STAU2: variants seen among roughly 807,000 people sequenced by gnomAD.
STAU2 encodes double-stranded RNA-binding protein Staufen homolog 2.
Under a neutral mutation model 65.9 loss-of-function variants are expected in STAU2, and 20 were observed. That is an observed-to-expected ratio of 0.30 (90% CI 0.21 to 0.44). STAU2 has a LOEUF of 0.44. Among genes scored for constraint, STAU2 ranks in the 20% least tolerant of loss-of-function variants. The pLI, the probability that STAU2 is intolerant of heterozygous loss-of-function variation, is 1.00. For synonymous variants in STAU2, 232 were observed against 233.9 expected (o/e 0.99, Z 0.07); for missense variants, 558 against 683.9 (o/e 0.82, Z 2.05).
rs1311174411 is a variant in STAU2, at chr8:73,565,285, T to C, written c.1223-12966A>G. Among the ~76,000 whole-genome samples, 3 of 150,562 alleles carry C rather than the reference T, an allele frequency of 2.0e-5. No homozygotes were observed. In the East Asian group the frequency reaches 5.8e-4, roughly 29 times the overall value. On this transcript the variant is annotated intron_variant, in intron 12 of 14. Coordinates refer to ENST00000524300, the MANE Select transcript of STAU2 (RefSeq NM_001164380.2). ...CAAGATTTGCCTGTTTGAAAGTGTG[T>C]AGCACCTCCCCTGCTTGCTCTCTCT...
At chr8:73,560,075 ATTT>A (rs35696339) in intron 12 of STAU2, among the ~76,000 whole-genome samples, 12 of 83,486 alleles carry the variant, frequency 1.4e-4, no homozygotes, top group Middle Eastern at 6.3e-3. Flanking sequence ...TACTGAACAG[ATTT>A]TTTTTTTTTT....
chr8:73,539,848 C>CAAAA (rs539856610), intron 13 of STAU2, among the ~76,000 whole-genome samples: 15 of 87,072 alleles, frequency 1.7e-4, no homozygotes, highest in South Asian at 7.3e-4. Flanking sequence ...CATCCCCATC[C>CAAAA]AAAAAAAAAA....
At chr8:73,612,934 G>A (rs1194229973) in intron 9 of STAU2, among the ~76,000 whole-genome samples, 1 of 152,106 alleles carries the variant, frequency 6.6e-6, no homozygotes, top group Non-Finnish European at 1.5e-5. Flanking sequence ...GCATTCACAG[G>A]CACTGTCCTG....
intron 6 of STAU2, among the ~76,000 whole-genome samples, chr8:73,659,252 T>C (rs1204158602): frequency 6.6e-6 from 1 of 152,082 alleles, no homozygotes; most frequent in Non-Finnish European, 1.5e-5. Flanking sequence ...AAAAAGAGCT[T>C]CATGGCCTAG....
intron 6 of STAU2, among the ~76,000 whole-genome samples, chr8:73,633,784 C>T (rs112579715): frequency 0.015 from 2,284 of 152,174 alleles, 52 homozygotes; most frequent in African/African-American, 0.05. Context: ...AGTTCAAGAC[C>T]AGTCTGGACA....
chr8:73,676,067 T>C (rs1239990555), intron 5 of STAU2, among the ~76,000 whole-genome samples: 1 of 152,104 alleles, frequency 6.6e-6, no homozygotes, highest in African/African-American at 2.4e-5. Flanking sequence ...ATTACTTCCA[T>C]AGTTTAAAAA....
intron 4 of STAU2, among the ~76,000 whole-genome samples, chr8:73,708,407 A>G (rs778844882): frequency 1.8e-4 from 28 of 152,214 alleles, no homozygotes; most frequent in Non-Finnish European, 3.5e-4. Flanking sequence ...GAGCTCAAAC[A>G]TAAATGCATT....
chr8:73,457,544 C>T (rs866369701), intron 13 of STAU2, among the ~76,000 whole-genome samples: 1 of 152,150 alleles, frequency 6.6e-6, no homozygotes, highest in Non-Finnish European at 1.5e-5. Flanking sequence ...AGATTTGGTA[C>T]AAAAAAGATA....
At chr8:73,670,335 G>A (rs897122869) in intron 6 of STAU2, 1 of 152,012 alleles carries the variant, frequency 6.6e-6, no homozygotes, top group Non-Finnish European at 1.5e-5. Flanking sequence ...AGGCCCATTA[G>A]CAAGGGGAAG....
At chr8:73,712,419 T>C (rs571820928) in intron 3 of STAU2, among the ~76,000 whole-genome samples, 10 of 152,242 alleles carry the variant, frequency 6.6e-5, no homozygotes, top group East Asian at 1.9e-4. Context: ...CAAAGTAAAA[T>C]AGAGATAATA....
intron 13 of STAU2, among the ~76,000 whole-genome samples, chr8:73,516,407 C>T (rs1189582123): frequency 1.3e-5 from 2 of 151,864 alleles, no homozygotes; most frequent in African/African-American, 4.8e-5. Flanking sequence ...TTAAATTTCA[C>T]ATATGTCTAG....
intron 13 of STAU2, among the ~76,000 whole-genome samples, chr8:73,430,397 C>T (rs1361101875): frequency 1.3e-5 from 2 of 152,194 alleles, no homozygotes; most frequent in Non-Finnish European, 2.9e-5. Context: ...ACCCTCAGAG[C>T]GGCTGCCTCC....
chr8:73,706,838 T>A (rs545463398), intron 4 of STAU2, among the ~76,000 whole-genome samples: 297 of 152,152 alleles, frequency 2.0e-3, no homozygotes, highest in Non-Finnish European at 3.0e-3. Context: ...AACCAACCTG[T>A]TTAGCCTTTA....
rs1307277262 is a variant in STAU2, at chr8:73,595,207, C to T, written c.1120G>A (p.Gly374Ser). Reference protein sequence around the residue: ...NAAEAMLLQLGYKASTNLQDQ... With the variant: ...NAAEAMLLQLSYKASTNLQDQ... ...TGAAGATTAGTGGATGCTTTATAAC[C>T]AAGTTGTAACAGCATTGCTTCTGCA... is the stretch of plus-strand genomic sequence containing the variant. Residue 374 changes from glycine to serine, a missense_variant, in exon 11 of 15, where the codon GGT becomes AGT. Gly to Ser is a moderately conservative substitution (Grantham distance 56). This residue lies in a region of STAU2 where 247 missense variants were observed against 270.1 expected (regional missense o/e 0.91). Coordinates refer to ENST00000524300, the MANE Select transcript of STAU2 (RefSeq NM_001164380.2). The T allele has an allele frequency of 6.2e-7, 1 of 1,610,146 alleles. No homozygotes were observed. The highest frequency in any genetic ancestry group is 1.7e-5 in the Admixed American group (1 of 59,134).
At chr8:73,510,974 G>A (rs1218957215) in intron 13 of STAU2, among the ~76,000 whole-genome samples, 3 of 152,264 alleles carry the variant, frequency 2.0e-5, no homozygotes, top group Admixed American at 6.5e-5. Context: ...ATTGGGAGCT[G>A]CAGAAGGTCA....
Position 73,651,743 on chromosome 8 carries a change from A to T in STAU2, c.410+21364T>A, listed in dbSNP as rs1586195757. ...GCATACGCTGGGACCAGCCCTGTCC[A>T]CGGGGCCCTGGGGCCTGGTGTGCTC... On this transcript the variant is annotated intron_variant, in intron 6 of 14. Transcript: ENST00000524300. The T allele has an allele frequency of 1.4e-5, 6 of 427,214 alleles. No individual in the cohort carries two copies. The Admixed American group carries it at 2.1e-4, about 15-fold the overall frequency. The allele number at this position is 427,214 out of a possible 1,614,324, so 26.5% of individuals were successfully genotyped here. A position where few individuals can be genotyped will look rare whatever the true frequency, so the allele number is the denominator to read the frequency against.
intron 10 of STAU2, among the ~76,000 whole-genome samples, chr8:73,601,709 C>A (rs1563450417): frequency 6.6e-6 from 1 of 152,038 alleles, no homozygotes; most frequent in Non-Finnish European, 1.5e-5. Flanking sequence ...CCAAATGTCC[C>A]CATTTGACTA....
In STAU2 at chr8:73,739,774, A is replaced by C; in HGVS notation, c.-102T>G. Reference sequence around the variant, plus strand: ...AGATTACCTTCTGAGCCTTGGTTCAAATTACTTTGTGTATCTTTGAGTTCT... The same window carrying C: ...AGATTACCTTCTGAGCCTTGGTTCACATTACTTTGTGTATCTTTGAGTTCT... On this transcript the variant is annotated 5_prime_UTR_variant, in exon 2 of 15. It adds an upstream start codon to the 5' untranslated region. Coordinates refer to ENST00000524300, the MANE Select transcript of STAU2 (RefSeq NM_001164380.2). 2.6e-6 allele frequency: 4 copies of C among 1,520,026 alleles called. No individual in the cohort carries two copies. The highest frequency in any genetic ancestry group is 3.5e-6 in the Non-Finnish European group (4 of 1,142,848). 94.2% of individuals were successfully genotyped at this position (1,520,026 alleles called of 1,614,324 possible).
At chr8:73,441,777 T>C (rs1818157631) in intron 13 of STAU2, among the ~76,000 whole-genome samples, 1 of 152,224 alleles carries the variant, frequency 6.6e-6, no homozygotes, top group South Asian at 2.1e-4. Context: ...CTAATCCGTC[T>C]GGAGTAAGTA....
Sources: gnomAD v4.1 joint callset for allele counts (sites outside exome capture counted in the v4.1 genomes callset) on GRCh38, gnomAD v4.1.1 for gene constraint, gnomAD v4.1.1 regional missense constraint, MANE v1.5 for transcripts, NCBI Gene and HGNC (gene_info 2026-07-23, HGNC 2026-07-21) for gene names.